Variants in CDCA2 observed in about 807,000 individuals in gnomAD.
CDCA2 encodes the protein cell division cycle-associated protein 2.
A neutral mutation model predicts 67.0 loss-of-function variants in CDCA2; 44 were observed. The ratio of observed to expected loss-of-function variants is 0.66; its 90% CI spans 0.52 to 0.84. CDCA2 has a LOEUF of 0.84. Among genes scored for constraint, CDCA2 ranks in the 40% least tolerant of loss-of-function variants. CDCA2 has a pLI of 0.00. For missense variants in CDCA2, 1,253 were observed against 1,203.2 expected (o/e 1.04, Z -0.61); for synonymous variants, 447 against 418.7 (o/e 1.07, Z -0.82).
rs796620653 is a variant in CDCA2, at chr8:25,483,572, T to A, written c.1120+86T>A. ...GTATAATATATGAAATTTTCAATGATCTATAATGCCTTAGTGCTTCTGAAA... is the reference window on the plus strand; with the variant it reads ...GTATAATATATGAAATTTTCAATGAACTATAATGCCTTAGTGCTTCTGAAA... On this transcript the variant is annotated intron_variant, in intron 9 of 14. Coordinates refer to ENST00000330560, the MANE Select transcript of CDCA2 (RefSeq NM_152562.4). 9.9e-6 allele frequency: 9 copies of A among 905,914 alleles called. No homozygotes were observed. In the African/African-American group the frequency reaches 1.5e-4, roughly 15 times the overall value. The allele number at this position is 905,914 out of a possible 1,614,324, so 56.1% of individuals were successfully genotyped here.
At chr8:25,461,033 C>G (rs150696340) in intron 3 of CDCA2, among the ~76,000 whole-genome samples, 3 of 151,914 alleles carry the variant, frequency 2.0e-5, no homozygotes, top group Non-Finnish European at 4.4e-5. Context: ...TTTGGGAGGC[C>G]GAGGCAGGCA....
chr8:25,480,196 A>G (rs1803515104), intron 8 of CDCA2, 72 bp downstream of exon 8: 1 of 1,186,224 alleles, frequency 8.4e-7, no homozygotes, highest in Non-Finnish European at 1.2e-6. Context: ...TACCCTTGAA[A>G]TGTCATATAT....
intron 4 of CDCA2, among the ~76,000 whole-genome samples, chr8:25,462,753 C>T (rs140589186): frequency 7.2e-5 from 11 of 152,298 alleles, no homozygotes; most frequent in East Asian, 1.9e-4. Context: ...CATAGCCCAC[C>T]GCAGCAATGA....
At chr8:25,468,637 G>C (rs1294941541) in intron 6 of CDCA2, among the ~76,000 whole-genome samples, 1 of 151,720 alleles carries the variant, frequency 6.6e-6, no homozygotes, top group Non-Finnish European at 1.5e-5. Context: ...TTTGGATAAT[G>C]ATCTCACTTT....
intron 13 of CDCA2, among the ~76,000 whole-genome samples, chr8:25,491,547 G>A (rs184921169): frequency 5.3e-5 from 8 of 151,682 alleles, no homozygotes; most frequent in East Asian, 1.9e-4. Context: ...AATTTCAACC[G>A]AGTATTCTAC....
Position 25,468,152 on chromosome 8 carries a change from A to T in CDCA2, c.539-65A>T, listed in dbSNP as rs540660606. On this transcript the variant is annotated intron_variant, in intron 5 of 14. Transcript: ENST00000330560. ...AAAAAAAAAAAAAGAAAAGAAAAAA[A>T]ATATATATAATATATATGAAAACAT... 819 of 705,388 alleles carry T rather than the reference A, an allele frequency of 1.2e-3. 13 individuals are homozygous for T. In the South Asian group the frequency reaches 0.03, roughly 26 times the overall value. 43.7% of individuals were successfully genotyped at this position (705,388 alleles called of 1,614,324 possible). A position where few individuals can be genotyped will look rare whatever the true frequency, so the allele number is the denominator to read the frequency against.
chr8:25,505,109 ATC>A (rs1164160870), intron 14 of CDCA2, among the ~76,000 whole-genome samples: 1 of 151,864 alleles, frequency 6.6e-6, no homozygotes, highest in African/African-American at 2.4e-5. Context: ...TATCTTCTCT[ATC>A]TCTTTCTCTT....
At chr8:25,475,955 C>T (rs1157633342) in intron 7 of CDCA2, among the ~76,000 whole-genome samples, 5 of 152,196 alleles carry the variant, frequency 3.3e-5, no homozygotes, top group Admixed American at 6.5e-5. Flanking sequence ...GGAAGCCAAA[C>T]GTCTGCTTCC....
At chr8:25,467,065 A>AAAAAAAAAAAAAAC (rs1468639428) in intron 5 of CDCA2, among the ~76,000 whole-genome samples, 5 of 126,248 alleles carry the variant, frequency 4.0e-5, no homozygotes, top group African/African-American at 1.6e-4. Flanking sequence ...AAAAAAAAAA[A>AAAAAAAAAAAAAAC]ACACACACAC....
chr8:25,490,286 G>A (rs548303520), intron 13 of CDCA2, among the ~76,000 whole-genome samples: 110 of 151,772 alleles, frequency 7.2e-4, no homozygotes, highest in Non-Finnish European at 1.0e-3. Context: ...AGTACAAAAA[G>A]GATTGAGCAT....
intron 7 of CDCA2, 115 bp downstream of exon 7, chr8:25,470,095 CT>C (rs1327760257): frequency 1.9e-5 from 12 of 638,186 alleles, no homozygotes; most frequent in Non-Finnish European, 3.1e-5. Context: ...TTTTTAGGAG[CT>C]CATGGCCTAG....
At chr8:25,494,532 G>A (rs777413207) in intron 13 of CDCA2, among the ~76,000 whole-genome samples, 5 of 151,988 alleles carry the variant, frequency 3.3e-5, no homozygotes, top group African/African-American at 9.7e-5. Context: ...ATTTTATGTC[G>A]GGGACTTGAG....
intron 7 of CDCA2, among the ~76,000 whole-genome samples, chr8:25,475,598 G>C (rs1479650021): frequency 6.6e-6 from 1 of 152,176 alleles, no homozygotes; most frequent in Non-Finnish European, 1.5e-5. Flanking sequence ...GATGGGGCCA[G>C]ATATTTCCTC....
chr8:25,482,106 G>A (rs1803594392), intron 8 of CDCA2, among the ~76,000 whole-genome samples: 1 of 152,140 alleles, frequency 6.6e-6, no homozygotes, highest in African/African-American at 2.4e-5. Context: ...GAGCTCCAGG[G>A]GCCCTGTGTT....
Position 25,483,456 on chromosome 8 carries a change from C to A in CDCA2, c.1090C>A (p.Leu364Ile). 1 of 1,611,900 alleles carries A rather than the reference C, an allele frequency of 6.2e-7. No homozygotes were observed. Among genetic ancestry groups the A allele is most frequent in the South Asian group, 1.1e-5 (1 of 90,724 alleles). Reference protein sequence around the residue: ...DGTHPSLISNLPNCCKEKEAE... With the variant: ...DGTHPSLISNIPNCCKEKEAE... ...GACTCATCCGAGCTTAATCTCAAAT[C>A]TCCCAAACTGTTGCAAAGAGAAAGA... Residue 364 changes from leucine (L) to isoleucine (I), a missense_variant, in exon 9 of 15, where the codon CTC (leucine) becomes ATC (isoleucine). Leu to Ile is a conservative substitution (Grantham distance 5). Coordinates refer to ENST00000330560, the MANE Select transcript of CDCA2 (RefSeq NM_152562.4).
chr8:25,478,902 A>G (rs913368783), intron 7 of CDCA2, among the ~76,000 whole-genome samples: 2 of 149,436 alleles, frequency 1.3e-5, no homozygotes, highest in African/African-American at 4.9e-5. Flanking sequence ...ATATATATAT[A>G]TATATATATA....
In CDCA2 at chr8:25,460,463, A is replaced by G; in HGVS notation, c.141A>G (p.Thr47=). 1.2e-6 allele frequency: 2 copies of G among 1,614,208 alleles called. No homozygotes were observed. Among genetic ancestry groups the G allele is most frequent in the Non-Finnish European group, 1.7e-6 (2 of 1,180,038 alleles). ...KHAELPPNPC[T]PDTFKSPLNF... ...CCGAATTACCTCCTAATCCTTGCACACCAGATACTTTTAAATCACCTTTGA... is the reference window on the plus strand; with the variant it reads ...CCGAATTACCTCCTAATCCTTGCACGCCAGATACTTTTAAATCACCTTTGA... The change falls in exon 3 of 15, where the codon ACA becomes ACG. Residue 47 remains threonine (T), a synonymous_variant. Coordinates refer to ENST00000330560, the MANE Select transcript of CDCA2 (RefSeq NM_152562.4).
At position 25,507,385 on chromosome 8, in the gene CDCA2, T is replaced by C. The variant is rs1804724939; in HGVS notation, c.2719T>C (p.Trp907Arg). Residue 907 changes from tryptophan to arginine, a missense_variant, in exon 15 of 15, where the codon TGG (tryptophan) becomes CGG (arginine). Physicochemically the swap from Trp to Arg is moderately radical, Grantham distance 101. Coordinates refer to ENST00000330560, the MANE Select transcript of CDCA2 (RefSeq NM_152562.4). ...QKDLENEGLV[W>R]ISLPLPSTSQ... Reference sequence around the variant, plus strand: ...GGATTTAGAAAACGAAGGTCTTGTATGGATTTCACTTCCACTTCCTTCCAC... The same window carrying C: ...GGATTTAGAAAACGAAGGTCTTGTACGGATTTCACTTCCACTTCCTTCCAC... The C allele has an allele frequency of 1.2e-6, 2 of 1,613,890 alleles. No homozygotes were observed. Among genetic ancestry groups the C allele is most frequent in the Non-Finnish European group, 1.7e-6 (2 of 1,179,980 alleles).
At chr8:25,501,059 A>G (rs779323244) in intron 13 of CDCA2, among the ~76,000 whole-genome samples, 4 of 152,062 alleles carry the variant, frequency 2.6e-5, no homozygotes, top group African/African-American at 9.7e-5. Context: ...CATTTCCCCA[A>G]CTGTTCCACG....
Sources: gnomAD v4.1 joint callset for allele counts (sites outside exome capture counted in the v4.1 genomes callset) on GRCh38, gnomAD v4.1.1 for gene constraint, MANE v1.5 for transcripts, NCBI Gene and HGNC (gene_info 2026-07-23, HGNC 2026-07-21) for gene names.